The following PLXNA4 variants were observed in gnomAD, a reference collection of about 807,000 sequenced individuals.
The protein encoded by PLXNA4 is plexin-A4.
In PLXNA4, 44 loss-of-function variants were observed where a neutral mutation model predicts 191.8. The observed-to-expected ratio is 0.23, with a 90% CI of 0.18 to 0.29. The LOEUF (loss-of-function observed/expected upper bound fraction) is 0.29. Among genes scored for constraint, PLXNA4 ranks in the 10% least tolerant of loss-of-function variants. The pLI is 1.00. For missense variants in PLXNA4, 1,800 were observed against 2,488.8 expected (o/e 0.72, Z 5.89); for synonymous variants, 1,082 against 1,009.5 (o/e 1.07, Z -1.36).
At chr7:132,392,889 C>G (rs1309459214) in intron 3 of PLXNA4, among the ~76,000 whole-genome samples, 1 of 152,122 alleles carries the variant, frequency 6.6e-6, no homozygotes, top group Non-Finnish European at 1.5e-5. Flanking sequence ...TCACAAAACC[C>G]AGGAGCCCTA....
intron 1 of PLXNA4, among the ~76,000 whole-genome samples, chr7:132,527,879 C>A (rs1363141815): frequency 1.3e-5 from 2 of 152,134 alleles, no homozygotes; most frequent in East Asian, 3.9e-4. Flanking sequence ...CACAGAGGCA[C>A]GAGAACAGAG....
intron 20 of PLXNA4, 31 bp from the exon 21 acceptor site, chr7:132,174,951 G>T (rs1371483728): frequency 6.2e-7 from 1 of 1,611,972 alleles, no homozygotes; most frequent in African/African-American, 1.3e-5. Context: ...TGAGATGGCT[G>T]GATGGGGAGG....
chr7:132,288,405 T>A (rs570455617), intron 4 of PLXNA4, among the ~76,000 whole-genome samples: 28 of 152,276 alleles, frequency 1.8e-4, no homozygotes, highest in African/African-American at 6.3e-4. Flanking sequence ...AGTGGGAATA[T>A]CTCAGTAATG....
At position 132,456,321 on chromosome 7, in the gene PLXNA4, C is replaced by T. The variant is rs191091917; in HGVS notation, c.1371+32971G>A. 2.1e-3 allele frequency among the ~76,000 whole-genome samples: 313 copies of T among 152,160 alleles called. 1 individual carries two copies. Among genetic ancestry groups the T allele is most frequent in the Non-Finnish European group, 2.6e-3 (177 of 68,008 alleles). ...GAGACAGGGGTTTCACTGTGTTGCC[C>T]AGGCTGGTCTCGAACTTCTGAGCTC... On this transcript the variant is annotated intron_variant, in intron 3 of 31. Transcript: ENST00000321063.
upstream of PLXNA4, among the ~76,000 whole-genome samples, chr7:132,581,298 T>C (rs926711027): frequency 6.6e-6 from 1 of 152,188 alleles, no homozygotes; most frequent in Non-Finnish European, 1.5e-5. Context: ...TACTAGTAAG[T>C]TGAACTTGGT....
rs773974153 is a variant in PLXNA4 at position 132,227,517 on chromosome 7, C to A, written c.1816G>T (p.Val606Leu). 6 of 1,614,158 alleles carry A rather than the reference C, an allele frequency of 3.7e-6. No individual in the cohort carries two copies. The highest frequency in any genetic ancestry group is 5.1e-6 in the Non-Finnish European group (6 of 1,180,044). ...GAGTAGCACTGGATCTGATTGCCCA[C>A]GACCAGCCCATCCATCTCTGACAGG... Reference protein sequence around the residue: ...EDLSEMDGLVVGNQIQCYSPA... With the variant: ...EDLSEMDGLVLGNQIQCYSPA... Residue 606 changes from valine to leucine, a missense_variant, in exon 7 of 32, where the codon GTG (valine) becomes TTG (leucine). By Grantham distance (32) the Val-to-Leu change is conservative. Transcript: ENST00000321063.
chr7:132,510,377 T>C (rs1200264817), intron 1 of PLXNA4, among the ~76,000 whole-genome samples: 1 of 152,140 alleles, frequency 6.6e-6, no homozygotes, highest in East Asian at 1.9e-4. Context: ...CCTTCTCCAG[T>C]CAATATCAGA....
intron 3 of PLXNA4, among the ~76,000 whole-genome samples, chr7:132,311,195 C>CGTGCGCGT (rs1554411090): frequency 8.4e-6 from 1 of 118,744 alleles, no homozygotes; most frequent in East Asian, 3.1e-4. Flanking sequence ...TGTGTGTGTG[C>CGTGCGCGT]GCGTGTGGCC....
At chr7:132,412,425 A>G (rs1370912226) in intron 3 of PLXNA4, among the ~76,000 whole-genome samples, 1 of 152,200 alleles carries the variant, frequency 6.6e-6, no homozygotes, top group East Asian at 1.9e-4. Flanking sequence ...AGCGACCTGC[A>G]GGAAACTGAA....
intron 24 of PLXNA4, among the ~76,000 whole-genome samples, chr7:132,162,207 AG>A (rs1328863235): frequency 6.6e-6 from 1 of 152,218 alleles, no homozygotes; most frequent in South Asian, 2.1e-4. Flanking sequence ...CCACACCCTG[AG>A]GGGGCTGCTC....
intron 4 of PLXNA4, among the ~76,000 whole-genome samples, chr7:132,292,199 A>G (rs1800918727): frequency 6.6e-6 from 1 of 152,180 alleles, no homozygotes; most frequent in Admixed American, 6.6e-5. Flanking sequence ...CTAAAATATG[A>G]CGCAAAATAT....
At chr7:132,187,302 C>T (rs1171283602) in intron 15 of PLXNA4, among the ~76,000 whole-genome samples, 169 bp downstream of exon 15, 1 of 152,146 alleles carries the variant, frequency 6.6e-6, no homozygotes, top group Non-Finnish European at 1.5e-5. Flanking sequence ...TTCTCTATTG[C>T]AATAATGCTG....
chr7:132,227,528 T>G lies in PLXNA4; in HGVS notation c.1805A>C (p.Asp602Ala). Residue 602 changes from aspartate to alanine, a missense_variant, in exon 7 of 32, where the codon GAT (aspartate) becomes GCT (alanine). By Grantham distance (126) the Asp-to-Ala change is moderately radical (BLOSUM62 -2). Around this residue, in one of 6 missense-constraint regions of PLXNA4, gnomAD observed 1,397 missense variants for 1,880.4 expected, o/e 0.74. Transcript: ENST00000321063. Reference protein sequence around the residue: ...NCTFEDLSEMDGLVVGNQIQC... With the variant: ...NCTFEDLSEMAGLVVGNQIQC... ...GATCTGATTGCCCACGACCAGCCCATCCATCTCTGACAGGTCCTCAAAGGT... is the reference window on the plus strand; with the variant it reads ...GATCTGATTGCCCACGACCAGCCCAGCCATCTCTGACAGGTCCTCAAAGGT... The G allele has an allele frequency of 6.2e-7, 1 of 1,614,136 alleles. No individual in the cohort carries two copies. Among genetic ancestry groups the G allele is most frequent in the South Asian group, 1.1e-5 (1 of 91,076 alleles).
intron 6 of PLXNA4, 139 bp downstream of exon 6, chr7:132,228,207 C>T: frequency 8.9e-7 from 1 of 1,118,404 alleles, no homozygotes; most frequent in Non-Finnish European, 1.3e-6. Context: ...CTTTGATATC[C>T]TGCACCCTTC....
chr7:132,179,635 C>T (rs1796636639), intron 20 of PLXNA4, 52 bp downstream of exon 20: 10 of 1,590,508 alleles, frequency 6.3e-6, no homozygotes, highest in East Asian at 2.3e-5. Context: ...CATGCACACA[C>T]ATATGCACAC....
At chr7:132,604,148 C>CG (rs1328064199) in intron 2 of PLXNA4, among the ~76,000 whole-genome samples, 1 of 151,966 alleles carries the variant, frequency 6.6e-6, no homozygotes, top group East Asian at 1.9e-4. Context: ...TGTGTTCTGG[C>CG]GGGGGGCACC....
chr7:132,399,407 G>A (rs1265023050), intron 3 of PLXNA4, among the ~76,000 whole-genome samples: 1 of 152,180 alleles, frequency 6.6e-6, no homozygotes, highest in African/African-American at 2.4e-5. Flanking sequence ...CTTTATATGT[G>A]CTGGCTTATT....
chr7:132,407,002 A>T (rs1271120274), intron 3 of PLXNA4, among the ~76,000 whole-genome samples: 1 of 152,224 alleles, frequency 6.6e-6, no homozygotes. Flanking sequence ...TTCCACTTTC[A>T]TAAGAACCCT....
At chr7:132,407,674 G>T (rs1794279598) in intron 3 of PLXNA4, among the ~76,000 whole-genome samples, 1 of 152,144 alleles carries the variant, frequency 6.6e-6, no homozygotes, top group African/African-American at 2.4e-5. Context: ...CAGTTTGAGG[G>T]GCTTGTCCTA....
Sources: gnomAD v4.1 joint callset for allele counts (sites outside exome capture counted in the v4.1 genomes callset) on GRCh38, gnomAD v4.1.1 for gene constraint, gnomAD v4.1.1 regional missense constraint, MANE v1.5 for transcripts, NCBI Gene and HGNC (gene_info 2026-07-23, HGNC 2026-07-21) for gene names.